PIK3R5: variants seen among roughly 807,000 people sequenced by gnomAD.
The protein encoded by PIK3R5 is phosphoinositide 3-kinase regulatory subunit 5.
Under a neutral mutation model 94.9 loss-of-function variants are expected in PIK3R5, and 32 were observed. That is an observed-to-expected ratio of 0.34 (90% CI 0.25 to 0.45). The LOEUF (loss-of-function observed/expected upper bound fraction) is 0.45. PIK3R5 is among the 20% of genes least tolerant of loss of function. The pLI, the probability that PIK3R5 is intolerant of heterozygous loss-of-function variation, is 1.00. For missense variants in PIK3R5, 853 were observed against 1,144.6 expected, an observed-to-expected ratio of 0.75 and a Z score of 3.68; for synonymous variants, 443 against 479.4, an observed-to-expected ratio of 0.92 and a Z score of 0.99.
At position 8,955,258 on chromosome 17, in the gene PIK3R5, A is replaced by G. The variant is rs1260381352; in HGVS notation, c.-14+10338T>C. Among the ~76,000 whole-genome samples, 1 of 152,234 alleles carries G rather than the reference A, an allele frequency of 6.6e-6. No homozygotes were observed. Among genetic ancestry groups the G allele is most frequent in the Non-Finnish European group, 1.5e-5 (1 of 68,034 alleles). On this transcript the variant is annotated intron_variant, in intron 1 of 18. Coordinates refer to ENST00000447110, the MANE Select transcript of PIK3R5 (RefSeq NM_001142633.3). This position sits in a 1 kb window ranked among gnomAD's most constrained non-coding sequence, Gnocchi z 4.4. ...TTCCATGCTGGCTGCTCGACCAGGC[A>G]ATCACTCATTCAGCAAGCACTGATT...
rs1464970602 is a variant in PIK3R5 at position 8,960,709 on chromosome 17, A to AG, written c.-14+4886dup. Among the ~76,000 whole-genome samples the AG allele has an allele frequency of 3.3e-5, 5 of 152,306 alleles. No individual in the cohort carries two copies. The East Asian group carries it at 7.7e-4, about 23-fold the overall frequency. ...CCTGGCAGGAACTGGGCTCCATGTG[A>AG]GCCACCTTCAGCCCTCACACCCCAG... On this transcript the variant is annotated intron_variant, in intron 1 of 18. Coordinates refer to ENST00000447110, the MANE Select transcript of PIK3R5 (RefSeq NM_001142633.3).
chr17:8,933,776 T>TGTTGTACTGAAAGTC (rs2091025981), intron 1 of PIK3R5, among the ~76,000 whole-genome samples: 1 of 152,176 alleles, frequency 6.6e-6, no homozygotes, highest in South Asian at 2.1e-4. Flanking sequence ...CTTGGAAAGT[T>TGTTGTACTGAAAGTC]GTTGTACTGA....
chr17:8,923,240 C>T (rs1165540504), intron 1 of PIK3R5, among the ~76,000 whole-genome samples: 6 of 152,132 alleles, frequency 3.9e-5, no homozygotes, highest in African/African-American at 7.2e-5. Context: ...AGAGAGGATT[C>T]GAACTAAGGT....
chr17:8,883,706 C>T (rs967848326), intron 15 of PIK3R5, among the ~76,000 whole-genome samples: 13 of 152,330 alleles, frequency 8.5e-5, no homozygotes, highest in Non-Finnish European at 1.8e-4. Context: ...AGGAACATCC[C>T]GTGTCCCTCT....
intron 1 of PIK3R5, among the ~76,000 whole-genome samples, chr17:8,959,936 T>C (rs927989983): frequency 4.6e-5 from 7 of 152,178 alleles, no homozygotes; most frequent in South Asian, 4.1e-4. Flanking sequence ...TTGATGGAGA[T>C]GCACAAATGC....
chr17:8,886,618 G>A lies in PIK3R5; in HGVS notation c.1906-13C>T, dbSNP rs547988105. The A allele has an allele frequency of 1.3e-6, 2 of 1,566,826 alleles. No homozygotes were observed. The highest frequency in any genetic ancestry group is 2.0e-5 in the Admixed American group (1 of 50,238). ...CCTTCAGGGACTGCTGTGGCCAGAG[G>A]GAAGGGGCAGCCAAGCCAGATGGGT... On this transcript the variant is annotated splice_polypyrimidine_tract_variant and intron_variant, in intron 12 of 18. Transcript: ENST00000447110.
intron 12 of PIK3R5, 73 bp from the exon 13 acceptor site, chr17:8,886,678 G>A: frequency 2.0e-6 from 3 of 1,485,820 alleles, no homozygotes; most frequent in Non-Finnish European, 2.7e-6. Context: ...CAAGAATTAG[G>A]GAGGAAGAGA....
At chr17:8,928,270 G>T (rs1167134223) in intron 1 of PIK3R5, among the ~76,000 whole-genome samples, 1 of 152,178 alleles carries the variant, frequency 6.6e-6, no homozygotes, top group Non-Finnish European at 1.5e-5. Context: ...GGCAATGGAG[G>T]CTGAGTGTGG....
chr17:8,954,956 A>AG (rs1491011276), intron 1 of PIK3R5, among the ~76,000 whole-genome samples: 4 of 149,568 alleles, frequency 2.7e-5, no homozygotes, highest in Non-Finnish European at 5.9e-5. Flanking sequence ...AAAAAAAAAA[A>AG]AGATTCCCAA....
At chr17:8,901,960 GAA>G (rs1265749317) in intron 5 of PIK3R5, among the ~76,000 whole-genome samples, 3 of 152,112 alleles carry the variant, frequency 2.0e-5, no homozygotes, top group African/African-American at 7.2e-5. Context: ...TTGAGGAATG[GAA>G]TTGCTGGGTG....
rs1294004254 is a variant in PIK3R5 at position 8,911,709 on chromosome 17, G to T, written c.-13-202C>A. On this transcript the variant is annotated intron_variant, in intron 1 of 18. Transcript: ENST00000447110. The surrounding 1 kb of genome is among the most constrained non-coding windows in gnomAD (Gnocchi z 5.3). ...CTGGAGGGCCACATCTGAGTGGCAG[G>T]ACAGAGCACCCCTGCAGCAGAACGG... 3 of 543,218 alleles carry T rather than the reference G, an allele frequency of 5.5e-6. No homozygotes were observed. Among genetic ancestry groups the T allele is most frequent in the Non-Finnish European group, 1.0e-5 (3 of 301,252 alleles). The allele number at this position is 543,218 out of a possible 1,614,324, so 33.6% of individuals were successfully genotyped here. A position where few individuals can be genotyped will look rare whatever the true frequency, so the allele number is the denominator to read the frequency against.
chr17:8,958,482 A>G (rs1272330186), intron 1 of PIK3R5, among the ~76,000 whole-genome samples: 2 of 150,084 alleles, frequency 1.3e-5, no homozygotes, highest in Non-Finnish European at 2.9e-5. Context: ...GCTTTAAAAA[A>G]GTATTGGACA....
chr17:8,903,920 A>G (rs936003555), intron 5 of PIK3R5, among the ~76,000 whole-genome samples: 1 of 152,242 alleles, frequency 6.6e-6, no homozygotes, highest in Non-Finnish European at 1.5e-5. Flanking sequence ...GTCTTTTTGC[A>G]TAGGCAAATA....
chr17:8,902,288 G>A (rs1454475984), intron 5 of PIK3R5, among the ~76,000 whole-genome samples: 1 of 112,466 alleles, frequency 8.9e-6, no homozygotes, highest in Non-Finnish European at 1.7e-5. Context: ...ATGGAGTCTC[G>A]CTTTGTCTGC....
At chr17:8,954,251 T>C (rs963663653) in intron 1 of PIK3R5, among the ~76,000 whole-genome samples, 18 of 152,334 alleles carry the variant, frequency 1.2e-4, no homozygotes, top group Middle Eastern at 3.4e-3. Flanking sequence ...CAAAGGACCA[T>C]ATGCAAATTA....
chr17:8,886,588 T>C lies in PIK3R5; in HGVS notation c.1923A>G (p.Glu641=). The change falls in exon 13 of 19, where the codon GAA becomes GAG. Residue 641 remains glutamate, a synonymous_variant. Coordinates refer to ENST00000447110, the MANE Select transcript of PIK3R5 (RefSeq NM_001142633.3). The part of the protein sequence containing the change: ...EVLCQQSLKA[E]AQALEGSPTQ... ...TTGGGGAGCCCTCCAGGGCCTGGGC[T>C]TCAGCCTTCAGGGACTGCTGTGGCC... 6.2e-7 allele frequency: 1 copy of C among 1,601,818 alleles called. No homozygotes were observed. Among genetic ancestry groups the C allele is most frequent in the South Asian group, 1.1e-5 (1 of 89,070 alleles).
intron 1 of PIK3R5, among the ~76,000 whole-genome samples, chr17:8,962,085 A>G (rs1013397344): frequency 2.6e-5 from 4 of 152,240 alleles, no homozygotes; most frequent in South Asian, 2.1e-4. Flanking sequence ...GGCTTGGTCA[A>G]TTCTGGTTAA....
chr17:8,911,385 G>T lies in PIK3R5; in HGVS notation c.103+7C>A. On this transcript the variant is annotated splice_region_variant and intron_variant, in intron 2 of 18. Coordinates refer to ENST00000447110, the MANE Select transcript of PIK3R5 (RefSeq NM_001142633.3). The surrounding 1 kb of genome is among the most constrained non-coding windows in gnomAD (Gnocchi z 5.3). Reference sequence around the variant, plus strand: ...CTCAAACACCTCCCCGGCTCCCTTGGACCGACCTGACCAGGAGGTGGAGCG... The same window carrying T: ...CTCAAACACCTCCCCGGCTCCCTTGTACCGACCTGACCAGGAGGTGGAGCG... 6.3e-7 allele frequency: 1 copy of T among 1,598,278 alleles called. No homozygotes were observed. Among genetic ancestry groups the T allele is most frequent in the South Asian group, 1.1e-5 (1 of 91,010 alleles).
chr17:8,890,197 G>T lies in PIK3R5; in HGVS notation c.658-71C>A. 1.3e-6 allele frequency: 2 copies of T among 1,516,456 alleles called. No individual in the cohort carries two copies. The highest frequency in any genetic ancestry group is 9.1e-7 in the Non-Finnish European group (1 of 1,103,906). 93.9% of individuals were successfully genotyped at this position (1,516,456 alleles called of 1,614,324 possible). On this transcript the variant is annotated intron_variant, in intron 7 of 18. Transcript: ENST00000447110. This position sits in a 1 kb window ranked among gnomAD's most constrained non-coding sequence, Gnocchi z 6.1. ...AGCTGTCCACCTGTTCCAGTTGCTA[G>T]CTTCTTACTGAGGGAGGCAGTGATC...
Sources: gnomAD v4.1 joint callset for allele counts (sites outside exome capture counted in the v4.1 genomes callset) on GRCh38, gnomAD v4.1.1 for gene constraint, Gnocchi (gnomAD v3.1) non-coding constraint, MANE v1.5 for transcripts, NCBI Gene and HGNC (gene_info 2026-07-23, HGNC 2026-07-21) for gene names.